Variants in ADCY8 observed in about 807,000 individuals in gnomAD.
ADCY8 encodes the protein adenylate cyclase type 8.
In ADCY8, 51 loss-of-function variants were observed where a neutral mutation model predicts 119.7. The observed-to-expected ratio is 0.43, with a 90% CI of 0.34 to 0.54. ADCY8 has a LOEUF of 0.54. ADCY8 is among the 20% of genes least tolerant of loss of function. The pLI, the probability that ADCY8 is intolerant of heterozygous loss-of-function variation, is 0.03. For synonymous variants in ADCY8, 665 were observed against 651.0 expected, an observed-to-expected ratio of 1.02 and a Z score of -0.33; for missense variants, 1,383 against 1,598.8, an observed-to-expected ratio of 0.87 and a Z score of 2.30.
At chr8:130,881,013 C>T (rs1052299318) in intron 8 of ADCY8, among the ~76,000 whole-genome samples, 8 of 152,172 alleles carry the variant, frequency 5.3e-5, no homozygotes, top group African/African-American at 1.7e-4. Flanking sequence ...TGAAGCTTAA[C>T]TCAAAAGACT....
intron 1 of ADCY8, among the ~76,000 whole-genome samples, chr8:131,036,353 AC>A (rs1256419798): frequency 6.6e-6 from 1 of 152,160 alleles, no homozygotes; most frequent in African/African-American, 2.4e-5. Flanking sequence ...AGACTGCGTT[AC>A]ACACATATGA....
chr8:130,918,222 T>C (rs1820189138), intron 5 of ADCY8, among the ~76,000 whole-genome samples: 1 of 152,210 alleles, frequency 6.6e-6, no homozygotes, highest in African/African-American at 2.4e-5. Context: ...CTGGGAAGTC[T>C]GAGATTACGG....
At chr8:130,845,522 G>A (rs900412369) in intron 11 of ADCY8, among the ~76,000 whole-genome samples, 9 of 152,120 alleles carry the variant, frequency 5.9e-5, no homozygotes, top group African/African-American at 1.7e-4. Flanking sequence ...ACCAGCTTTC[G>A]CCTAGCTCTG....
intron 9 of ADCY8, among the ~76,000 whole-genome samples, chr8:130,862,818 T>C (rs1038728506): frequency 2.6e-5 from 4 of 152,212 alleles, no homozygotes; most frequent in African/African-American, 7.2e-5. Flanking sequence ...CTTTCTATTA[T>C]TGAATTTTAG....
At chr8:130,999,329 C>T (rs972511742) in intron 1 of ADCY8, among the ~76,000 whole-genome samples, 3 of 152,136 alleles carry the variant, frequency 2.0e-5, no homozygotes, top group Non-Finnish European at 4.4e-5. Flanking sequence ...TCCTCACTTT[C>T]CCCTTCTCGT....
chr8:130,889,088 G>A (rs1022047162), intron 7 of ADCY8, among the ~76,000 whole-genome samples: 12 of 152,060 alleles, frequency 7.9e-5, no homozygotes, highest in South Asian at 2.1e-4. Flanking sequence ...GATCTATTTC[G>A]TTGTTAGATC....
At chr8:130,926,607 T>A (rs6992872) in intron 5 of ADCY8, among the ~76,000 whole-genome samples, 1,877 of 152,250 alleles carry the variant, frequency 0.012, 42 homozygotes, top group African/African-American at 0.042. Flanking sequence ...ACACATGACA[T>A]CCAGTCTCTT....
intron 2 of ADCY8, among the ~76,000 whole-genome samples, chr8:130,980,274 A>G (rs1309113514): frequency 1.3e-5 from 2 of 152,168 alleles, no homozygotes; most frequent in Admixed American, 6.6e-5. Flanking sequence ...TAAAGATCCT[A>G]TTTCCAAGTA....
chr8:131,000,715 C>T (rs1418012720), intron 1 of ADCY8, among the ~76,000 whole-genome samples: 2 of 152,146 alleles, frequency 1.3e-5, no homozygotes, highest in African/African-American at 4.8e-5. Flanking sequence ...GGCTGAGTCT[C>T]TGCTGGACTA....
intron 4 of ADCY8, among the ~76,000 whole-genome samples, chr8:130,941,820 C>A: frequency 6.6e-6 from 1 of 152,222 alleles, no homozygotes; most frequent in East Asian, 1.9e-4. Flanking sequence ...TACAGAGTAA[C>A]ATCTTTATGC....
At chr8:130,813,327 C>G (rs1454805199) in intron 14 of ADCY8, among the ~76,000 whole-genome samples, 1 of 152,198 alleles carries the variant, frequency 6.6e-6, no homozygotes, top group African/African-American at 2.4e-5. Flanking sequence ...CCATCTATCT[C>G]TGGAACTCTT....
intron 17 of ADCY8, 40 bp from the exon 18 acceptor site, chr8:130,780,917 AG>A (rs1291116993): frequency 6.2e-7 from 1 of 1,601,450 alleles, no homozygotes; most frequent in South Asian, 1.1e-5. Context: ...CAGAGGGAGA[AG>A]GGGGACAATG....
At chr8:130,981,145 G>A (rs962246971) in intron 2 of ADCY8, among the ~76,000 whole-genome samples, 2 of 152,044 alleles carry the variant, frequency 1.3e-5, no homozygotes, top group Admixed American at 1.3e-4. Context: ...ATGAGGTGTG[G>A]GCAAGACATT....
intron 2 of ADCY8, among the ~76,000 whole-genome samples, chr8:130,989,717 T>C (rs1822516681): frequency 6.6e-6 from 1 of 152,228 alleles, no homozygotes; most frequent in South Asian, 2.1e-4. Flanking sequence ...CAAATCTTTA[T>C]TCTTTGAAAG....
intron 9 of ADCY8, among the ~76,000 whole-genome samples, chr8:130,851,394 G>A (rs867891674): frequency 6.6e-6 from 1 of 152,238 alleles, no homozygotes; most frequent in Non-Finnish European, 1.5e-5. Context: ...AGGTTAAAGA[G>A]AAGGCTTGCA....
At chr8:130,920,732 G>A (rs55669409) in intron 5 of ADCY8, among the ~76,000 whole-genome samples, 3,288 of 152,306 alleles carry the variant, frequency 0.022, 50 homozygotes, top group Middle Eastern at 0.034. Context: ...TGCTGGGAAG[G>A]TGTTTTTTTA....
intron 1 of ADCY8, among the ~76,000 whole-genome samples, chr8:131,009,444 C>T (rs1450386231): frequency 3.3e-5 from 5 of 152,124 alleles, no homozygotes; most frequent in Non-Finnish European, 7.4e-5. Context: ...GTCCTCAGGA[C>T]ATCTGATGGT....
chr8:130,904,942 A>G lies in ADCY8; in HGVS notation c.1641-900T>C, dbSNP rs144258238. On this transcript the variant is annotated intron_variant, in intron 6 of 17. Coordinates refer to ENST00000286355, the MANE Select transcript of ADCY8 (RefSeq NM_001115.3). ...AGACTAGCAAGGTAAGGTGGTTACAAACATGGACTTCATTGCTAGATCTCC... is the reference window on the plus strand; with the variant it reads ...AGACTAGCAAGGTAAGGTGGTTACAGACATGGACTTCATTGCTAGATCTCC... Among the ~76,000 whole-genome samples the G allele has an allele frequency of 5.2e-3, 786 of 152,314 alleles. 9 individuals carry two copies. The highest frequency in any genetic ancestry group is 5.4e-3 in the Non-Finnish European group (368 of 68,020).
At chr8:130,970,298 C>T (rs1563750020) in intron 2 of ADCY8, among the ~76,000 whole-genome samples, 1 of 152,286 alleles carries the variant, frequency 6.6e-6, no homozygotes, top group East Asian at 1.9e-4. Context: ...AGCTCTGCCT[C>T]CTGTCAGATC....
Sources: gnomAD v4.1 joint callset for allele counts (sites outside exome capture counted in the v4.1 genomes callset) on GRCh38, gnomAD v4.1.1 for gene constraint, MANE v1.5 for transcripts, NCBI Gene and HGNC (gene_info 2026-07-23, HGNC 2026-07-21) for gene names.